Variants in TENM4 observed in about 807,000 individuals in gnomAD.
TENM4 encodes teneurin-4.
In TENM4, 82 loss-of-function variants were observed where a neutral mutation model predicts 243.3. The ratio of observed to expected loss-of-function variants is 0.34; its 90% CI spans 0.28 to 0.40. TENM4 has a LOEUF of 0.40. Among genes scored for constraint, TENM4 ranks in the 10% least tolerant of loss-of-function variants. The probability of loss-of-function intolerance (pLI) is 1.00; values close to 1 mark genes in which losing one functional copy is unlikely to be tolerated. For missense variants in TENM4, 3,138 were observed against 3,673.3 expected (o/e 0.85, Z 3.77); for synonymous variants, 1,412 against 1,456.3 (o/e 0.97, Z 0.69).
At chr11:78,704,089 A>G (rs959524575) in intron 27 of TENM4, among the ~76,000 whole-genome samples, 1 of 146,632 alleles carries the variant, frequency 6.8e-6, no homozygotes, top group African/African-American at 2.6e-5. Flanking sequence ...ATATACATAC[A>G]TATACATATG....
intron 1 of TENM4, among the ~76,000 whole-genome samples, chr11:79,353,167 T>G (rs2135480895): frequency 6.6e-6 from 1 of 152,290 alleles, no homozygotes; most frequent in East Asian, 1.9e-4. Flanking sequence ...GAGGCACCAA[T>G]GAGAAATACT....
At chr11:79,433,657 C>T (rs1480361694) in intron 1 of TENM4, among the ~76,000 whole-genome samples, 1 of 152,144 alleles carries the variant, frequency 6.6e-6, no homozygotes, top group Non-Finnish European at 1.5e-5. Context: ...TACAGTGATG[C>T]CATTGTGTAA....
intron 14 of TENM4, among the ~76,000 whole-genome samples, chr11:78,807,455 C>T (rs1453774779): frequency 6.6e-6 from 1 of 152,118 alleles, no homozygotes; most frequent in African/African-American, 2.4e-5. Flanking sequence ...TTAACAGAGA[C>T]CTCTAATCTT....
At chr11:78,778,261 G>A (rs1338414490) in intron 17 of TENM4, among the ~76,000 whole-genome samples, 1 of 134,596 alleles carries the variant, frequency 7.4e-6, no homozygotes, top group Admixed American at 8.3e-5. Flanking sequence ...TGGACCAGGG[G>A]CCATAACAGA....
intron 6 of TENM4, among the ~76,000 whole-genome samples, chr11:78,965,160 G>T (rs1015954918): frequency 1.3e-5 from 2 of 151,972 alleles, no homozygotes; most frequent in Non-Finnish European, 2.9e-5. Context: ...GAGCCACCAC[G>T]CCCGGCCCCT....
chr11:79,249,895 T>C (rs1423109380), intron 2 of TENM4, among the ~76,000 whole-genome samples: 1 of 152,254 alleles, frequency 6.6e-6, no homozygotes, highest in Non-Finnish European at 1.5e-5. Flanking sequence ...GCAATTTCTA[T>C]GAGCAGTAGT....
intron 23 of TENM4, among the ~76,000 whole-genome samples, chr11:78,725,124 C>T (rs900544228): frequency 2.0e-5 from 3 of 152,224 alleles, no homozygotes; most frequent in Non-Finnish European, 2.9e-5. Flanking sequence ...TTCTATTCCA[C>T]GGAATCAATT....
chr11:78,829,623 G>C (rs549645150), intron 12 of TENM4, among the ~76,000 whole-genome samples: 150 of 152,256 alleles, frequency 9.9e-4, no homozygotes, highest in African/African-American at 3.4e-3. Context: ...AGACTCTGGG[G>C]GTTCTAATTC....
intron 33 of TENM4, 23 bp downstream of exon 33, chr11:78,661,426 T>C: frequency 2.5e-6 from 4 of 1,597,868 alleles, no homozygotes; most frequent in Non-Finnish European, 3.4e-6. Flanking sequence ...GCCTGAGGAG[T>C]GGCAGCCTTG....
At chr11:79,377,225 T>G (rs1353648283) in intron 1 of TENM4, among the ~76,000 whole-genome samples, 1 of 152,228 alleles carries the variant, frequency 6.6e-6, no homozygotes, top group African/African-American at 2.4e-5. Context: ...AAAGCTTGTT[T>G]TAGCCCACTG....
rs78443062 is a variant in TENM4 at position 79,004,358 on chromosome 11, G to A, written c.493+60380C>T. Among the ~76,000 whole-genome samples the A allele has an allele frequency of 7.0e-3, 1,069 of 152,172 alleles. 5 individuals carry two copies. The highest frequency in any genetic ancestry group is 0.012 in the Non-Finnish European group (817 of 67,970). ...ATATAAATTCTTACCATCTGCACAA[G>A]GCACACACTTTAAATCGACTACACA... On this transcript the variant is annotated intron_variant, in intron 6 of 33. Coordinates refer to ENST00000278550, the MANE Select transcript of TENM4 (RefSeq NM_001098816.3).
At chr11:79,409,541 A>G (rs1209011965) in intron 1 of TENM4, among the ~76,000 whole-genome samples, 1 of 152,124 alleles carries the variant, frequency 6.6e-6, no homozygotes, top group Admixed American at 6.6e-5. Context: ...GCAGGTTCCC[A>G]TGAAGGAGGG....
intron 27 of TENM4, among the ~76,000 whole-genome samples, chr11:78,703,121 G>T (rs1170143764): frequency 6.6e-6 from 1 of 152,164 alleles, no homozygotes; most frequent in Non-Finnish European, 1.5e-5. Flanking sequence ...CCCACCCTTG[G>T]TGGGTGAAAT....
chr11:78,925,541 G>C (rs955703049), intron 6 of TENM4, among the ~76,000 whole-genome samples: 1 of 152,154 alleles, frequency 6.6e-6, no homozygotes, highest in African/African-American at 2.4e-5. Context: ...CCAAGTGTGG[G>C]AGTTTCCTAA....
At position 79,151,068 on chromosome 11, in the gene TENM4, A is replaced by G. The variant is rs192838031; in HGVS notation, c.-162-2262T>C. 1.1e-3 allele frequency among the ~76,000 whole-genome samples: 170 copies of G among 152,290 alleles called. 1 individual carries two copies. The highest frequency in any genetic ancestry group is 2.0e-3 in the Non-Finnish European group (139 of 68,020). ...ATCATAGCCTGTGCTCTCAGCCACT[A>G]CATTAACTCATCCTGCCTTCCTATA... On this transcript the variant is annotated intron_variant, in intron 3 of 33. Transcript: ENST00000278550.
chr11:78,903,518 G>C lies in TENM4; in HGVS notation c.499C>G (p.Pro167Ala), dbSNP rs1431343920. ...TEHENTETDHPGGLQNHARLR... is the reference protein window; with the variant it reads ...TEHENTETDHAGGLQNHARLR... The stretch of plus-strand genomic sequence containing the variant: ...CGCGCGTGGTTCTGCAGGCCGCCCG[G>C]ATGATCTAGGGCACAAACATGGCGG... Residue 167 changes from proline to alanine, a missense_variant, in exon 7 of 34, where the codon CCG becomes GCG. Physicochemically the swap from Pro to Ala is conservative, Grantham distance 27 (BLOSUM62 -1). Transcript: ENST00000278550. The C allele has an allele frequency of 1.3e-6, 2 of 1,546,188 alleles. No homozygotes were observed. The highest frequency in any genetic ancestry group is 1.2e-5 in the South Asian group (1 of 84,004).
intron 21 of TENM4, among the ~76,000 whole-genome samples, chr11:78,731,476 C>T (rs1855667104): frequency 6.6e-6 from 1 of 152,148 alleles, no homozygotes; most frequent in African/African-American, 2.4e-5. Context: ...ATATAAAATC[C>T]CTGCTCCACC....
At chr11:78,986,094 T>TCC (rs1294550714) in intron 6 of TENM4, among the ~76,000 whole-genome samples, 1 of 152,214 alleles carries the variant, frequency 6.6e-6, no homozygotes, top group East Asian at 1.9e-4. Context: ...TCTACTGGGC[T>TCC]CCTCTTACTC....
chr11:79,284,350 T>C (rs185869502), intron 2 of TENM4, among the ~76,000 whole-genome samples: 1 of 152,208 alleles, frequency 6.6e-6, no homozygotes, highest in Non-Finnish European at 1.5e-5. Flanking sequence ...TACTGGCATA[T>C]GAGTAGATAT....
Sources: allele counts gnomAD v4.1 joint callset (sites outside exome capture counted in the v4.1 genomes callset), GRCh38; gene constraint gnomAD v4.1.1; transcripts MANE v1.5; gene names NCBI Gene and HGNC (gene_info 2026-07-23, HGNC 2026-07-21).